Variants in NME9 observed in about 807,000 individuals in gnomAD.
NME9 encodes NME/NM23 family member 9.
NME9 carries 48 observed loss-of-function variants against 44.4 expected under a neutral mutation model. The ratio of observed to expected loss-of-function variants is 1.08; its 90% confidence interval spans 0.86 to 1.37. The LOEUF is 1.37. NME9 is among the 40% of genes most tolerant of loss of function. The probability of loss-of-function intolerance (pLI) is 0.00; values close to 1 mark genes in which losing one functional copy is unlikely to be tolerated. For synonymous variants in NME9, 139 were observed against 147.1 expected (o/e 0.94, Z 0.40); for missense variants, 325 against 405.2 (o/e 0.80, Z 1.70).
intron 8 of NME9, among the ~76,000 whole-genome samples, chr3:138,283,455 T>C (rs1346265114): frequency 1.3e-5 from 2 of 152,334 alleles, no homozygotes; most frequent in East Asian, 3.9e-4. Flanking sequence ...TGCTCTTTCT[T>C]CATGCCTTCT....
chr3:138,315,095 A>G (rs2108449030), intron 5 of NME9, among the ~76,000 whole-genome samples: 1 of 152,318 alleles, frequency 6.6e-6, no homozygotes, highest in Middle Eastern at 3.4e-3. Context: ...GACAGACCTT[A>G]ATTTCTAGGT....
At chr3:138,267,372 A>G (rs2048373251) in intron 8 of NME9, 1 of 561,270 alleles carries the variant, frequency 1.8e-6, no homozygotes, top group Non-Finnish European at 3.1e-6. Context: ...TTGATTGCAT[A>G]GCGGTAGGGG....
chr3:138,303,008 G>A lies in NME9; in HGVS notation c.928+499C>T, dbSNP rs140911397. 3.3e-4 allele frequency among the ~76,000 whole-genome samples: 50 copies of A among 152,360 alleles called. No individual in the cohort carries two copies. The East Asian group carries it at 9.5e-3, about 29-fold the overall frequency. On this transcript the variant is annotated intron_variant, in intron 10 of 10. Transcript: ENST00000333911. ...CAGAGGCTGTCCGAATGCTTCCCAT[G>A]AAGGGAAGGTCCTAAACAACGGTCA...
chr3:138,321,701 G>A (rs761215187), intron 2 of NME9, among the ~76,000 whole-genome samples: 7 of 152,090 alleles, frequency 4.6e-5, no homozygotes, highest in Non-Finnish European at 8.8e-5. Flanking sequence ...GAACCAAGCT[G>A]GGTATAGGAG....
chr3:138,298,028 A>G (rs149536603), downstream of NME9: 1 of 152,240 alleles, frequency 6.6e-6, no homozygotes. Context: ...ATGCTTTACT[A>G]TAATTAACTT....
At chr3:138,277,100 C>T (rs80265935) in intron 8 of NME9, among the ~76,000 whole-genome samples, 7,492 of 152,182 alleles carry the variant, frequency 0.049, 609 homozygotes, top group African/African-American at 0.17. Flanking sequence ...ATGGAACAGA[C>T]TAGAGAGTCC....
Position 138,287,820 on chromosome 3 carries a change from ACT to A in NME9, c.745+15685_745+15686del, listed in dbSNP as rs1290073633. On this transcript the variant is annotated intron_variant, in intron 8 of 8. Transcript: ENST00000317876. ...CCATTGAGCATATTTTGCCATTGAT[ACT>A]CTCTCAGATGTGCATAAATTATTTG... 6 of 369,864 alleles carry A rather than the reference ACT, an allele frequency of 1.6e-5. No homozygotes were observed. The East Asian group carries it at 4.4e-4, about 27-fold the overall frequency. The allele number at this position is 369,864 out of a possible 1,614,324, so 22.9% of individuals were successfully genotyped here. A position where few individuals can be genotyped will look rare whatever the true frequency, so the allele number is the denominator to read the frequency against.
chr3:138,295,934 T>TGGGA, intron 8 of NME9: 1 of 1,603,250 alleles, frequency 6.2e-7, no homozygotes, highest in Non-Finnish European at 8.5e-7. Flanking sequence ...CACCTCCTTG[T>TGGGA]TTAAGGAAGT....
At chr3:138,317,850 C>T (rs568173866) in intron 4 of NME9, among the ~76,000 whole-genome samples, 146 of 152,326 alleles carry the variant, frequency 9.6e-4, no homozygotes, top group Middle Eastern at 6.8e-3. Flanking sequence ...TGCCCCAGCA[C>T]AGTGACCACT....
At chr3:138,262,605 A>T in intron 8 of NME9, 1 of 1,584,948 alleles carries the variant, frequency 6.3e-7, no homozygotes, top group African/African-American at 1.4e-5. Context: ...ATTAAAAAAA[A>T]AAAAAAAATT....
chr3:138,325,224 A>G (rs940931670), intron 1 of NME9, among the ~76,000 whole-genome samples: 15 of 152,218 alleles, frequency 9.9e-5, no homozygotes, highest in African/African-American at 3.1e-4. Flanking sequence ...ATGTACATAA[A>G]TACATCAAAC....
At chr3:138,322,632 A>G (rs1280482162) in intron 2 of NME9, among the ~76,000 whole-genome samples, 7 of 151,996 alleles carry the variant, frequency 4.6e-5, no homozygotes, top group Admixed American at 1.3e-4. Flanking sequence ...TTGGAAGAAA[A>G]TTTCTGCCGG....
exon 9 of NME9, chr3:138,261,890 G>A (rs1282744437): frequency 6.6e-6 from 1 of 152,232 alleles, no homozygotes; most frequent in Non-Finnish European, 1.5e-5. Flanking sequence ...AGGTCCCTAC[G>A]AAGATGAGGT....
chr3:138,301,913 G>A (rs987306154), intron 10 of NME9, among the ~76,000 whole-genome samples: 1 of 152,200 alleles, frequency 6.6e-6, no homozygotes, highest in African/African-American at 2.4e-5. Context: ...CAGACCAAGA[G>A]CTTTACATCC....
In NME9 at chr3:138,306,033, G is replaced by C. The variant is rs202005134; in HGVS notation, c.607C>G (p.Arg203Gly). 1.2e-6 allele frequency: 2 copies of C among 1,613,282 alleles called. No individual in the cohort carries two copies. Among genetic ancestry groups the C allele is most frequent in the Non-Finnish European group, 1.7e-6 (2 of 1,179,244 alleles). ...EERTMTEAEV[R>G]LFYQHKAGEE... ...CCAGCTTTGTGTTGGTAGAAAAGTC[G>C]CACTTCTGCCTCTGTCATGGTTCTC... The change falls in exon 8 of 11, where the codon CGA becomes GGA. Residue 203 changes from arginine (R) to glycine (G), a missense_variant. Transcript: ENST00000333911.
rs975739404 is a variant in NME9 at position 138,301,285 on chromosome 3, A to G, written c.*355T>C. ...AGTGGCATGATCTCGGCTTACTGCA[A>G]CCTTCACCTCCCGGGTTCAAGCGAT... On this transcript the variant is annotated 3_prime_UTR_variant, in exon 11 of 11. Transcript: ENST00000333911. 1.1e-5 allele frequency: 4 copies of G among 370,612 alleles called. No individual in the cohort carries two copies. The highest frequency in any genetic ancestry group is 2.2e-5 in the African/African-American group (1 of 45,802). 23.0% of individuals were successfully genotyped at this position (370,612 alleles called of 1,614,324 possible). A position where few individuals can be genotyped will look rare whatever the true frequency, so the allele number is the denominator to read the frequency against.
chr3:138,314,351 A>G lies in NME9; in HGVS notation c.441T>C (p.Asn147=), dbSNP rs765363590. Residue 147 remains asparagine (N), a synonymous_variant, in exon 6 of 11, where the codon AAT becomes AAC. Coordinates refer to ENST00000333911, the MANE Select transcript of NME9 (RefSeq NM_001349018.2). The stretch of plus-strand genomic sequence containing the variant: ...ACTCACCCATGTCCTCATCTTCACC[A>G]TTATTCTTTCCATGGGAAACACATT... ...EDECVSHGKN[N]GEDEDMVSSE... 1 of 1,607,408 alleles carries G rather than the reference A, an allele frequency of 6.2e-7. No homozygotes were observed. Among genetic ancestry groups the G allele is most frequent in the East Asian group, 2.2e-5 (1 of 44,738 alleles).
intron 8 of NME9, among the ~76,000 whole-genome samples, chr3:138,281,542 TG>T (rs1158138147): frequency 1.3e-5 from 2 of 152,278 alleles, no homozygotes; most frequent in East Asian, 3.9e-4. Context: ...CCACCCGCTT[TG>T]GTCTCCCAGA....
chr3:138,291,556 A>G, intron 8 of NME9, among the ~76,000 whole-genome samples: 1 of 152,238 alleles, frequency 6.6e-6, no homozygotes, highest in Non-Finnish European at 1.5e-5. Flanking sequence ...ACATTCTAGT[A>G]TAGAAGATAG....
Sources: allele counts gnomAD v4.1 joint callset (sites outside exome capture counted in the v4.1 genomes callset), GRCh38; gene constraint gnomAD v4.1.1; transcripts MANE v1.5; gene names NCBI Gene and HGNC (gene_info 2026-07-23, HGNC 2026-07-21).